Variants in NEDD4L observed in about 807,000 individuals in gnomAD.
NEDD4L encodes the protein NEDD4 like E3 ubiquitin protein ligase.
Under a neutral mutation model 148.9 loss-of-function variants are expected in NEDD4L, and 54 were observed. The observed-to-expected ratio is 0.36, with a 90% CI of 0.29 to 0.45. The LOEUF (loss-of-function observed/expected upper bound fraction) is 0.45, where lower values mean the gene tolerates loss of function less well. NEDD4L is among the 20% of genes least tolerant of loss of function. NEDD4L has a pLI of 1.00. For synonymous variants in NEDD4L, 433 were observed against 440.7 expected (o/e 0.98, Z 0.22); for missense variants, 856 against 1,233.8 (o/e 0.69, Z 4.59).
chr18:58,255,416 T>C (rs1568486391), intron 5 of NEDD4L: 1 of 956,322 alleles, frequency 1.0e-6, no homozygotes, highest in East Asian at 3.5e-5. Context: ...CACCCTACCC[T>C]CTGTCACAGT....
At chr18:58,306,569 C>T (rs2057086007) in intron 5 of NEDD4L, among the ~76,000 whole-genome samples, 1 of 151,712 alleles carries the variant, frequency 6.6e-6, no homozygotes, top group African/African-American at 2.4e-5. Context: ...TGGAAGACTG[C>T]CTGGGTTCAT....
At chr18:58,181,527 G>C (rs2038864706) in intron 2 of NEDD4L, among the ~76,000 whole-genome samples, 1 of 151,918 alleles carries the variant, frequency 6.6e-6, no homozygotes, top group African/African-American at 2.4e-5. Flanking sequence ...GAACTCTTGG[G>C]CTCAGGCAAC....
At chr18:58,319,780 C>G (rs1355402202) in intron 6 of NEDD4L, among the ~76,000 whole-genome samples, 2 of 152,176 alleles carry the variant, frequency 1.3e-5, no homozygotes, top group Non-Finnish European at 2.9e-5. Context: ...CTACCTGTTA[C>G]TGCTTGGCAT....
At chr18:58,252,087 A>AT (rs2048004905) in intron 5 of NEDD4L, 33 bp downstream of exon 5, 3 of 1,408,298 alleles carry the variant, frequency 2.1e-6, no homozygotes, top group Non-Finnish European at 3.0e-6. Flanking sequence ...ATTTTGCTTC[A>AT]TTTTTTTATT....
chr18:58,131,805 T>C (rs2032195679), intron 1 of NEDD4L, among the ~76,000 whole-genome samples: 1 of 152,194 alleles, frequency 6.6e-6, no homozygotes, highest in Non-Finnish European at 1.5e-5. Flanking sequence ...GATTTTGTGT[T>C]TTTTTGTGTG....
At chr18:58,240,439 T>C (rs1193023871) in intron 2 of NEDD4L, among the ~76,000 whole-genome samples, 1 of 152,168 alleles carries the variant, frequency 6.6e-6, no homozygotes. Context: ...CCATCATTAT[T>C]TGGTAGGCCC....
At chr18:58,328,365 G>A (rs770206554) in intron 9 of NEDD4L, among the ~76,000 whole-genome samples, 39 of 152,266 alleles carry the variant, frequency 2.6e-4, no homozygotes, top group Non-Finnish European at 4.6e-4. Flanking sequence ...TTCAGACCCC[G>A]GCTGACTTGA....
chr18:58,082,979 C>G (rs989867061), intron 1 of NEDD4L, among the ~76,000 whole-genome samples: 1 of 152,122 alleles, frequency 6.6e-6, no homozygotes, highest in African/African-American at 2.4e-5. Context: ...CCCTTCCTAT[C>G]AGTTTCTGTT....
chr18:58,324,750 G>C (rs2059159440), intron 8 of NEDD4L, among the ~76,000 whole-genome samples: 1 of 152,176 alleles, frequency 6.6e-6, no homozygotes, highest in Admixed American at 6.5e-5. Flanking sequence ...CTGCAATGTA[G>C]TCATCTTAGA....
At chr18:58,166,016 C>G (rs530363565) in intron 2 of NEDD4L, among the ~76,000 whole-genome samples, 155 bp downstream of exon 2, 76 of 152,294 alleles carry the variant, frequency 5.0e-4, no homozygotes, top group African/African-American at 1.8e-3. Context: ...TGATGCTGGC[C>G]CAGCTGGTTC....
intron 1 of NEDD4L, among the ~76,000 whole-genome samples, chr18:58,131,374 G>C (rs111586838): frequency 1.8e-4 from 27 of 147,338 alleles, no homozygotes; most frequent in African/African-American, 5.7e-4. Flanking sequence ...GTTGGGCTCT[G>C]TTGGGGTTTG....
At chr18:58,316,683 C>A (rs537516719) in intron 6 of NEDD4L, among the ~76,000 whole-genome samples, 233 of 152,286 alleles carry the variant, frequency 1.5e-3, no homozygotes, top group Admixed American at 7.4e-3. Context: ...GGCTGACACC[C>A]GAAACAGGAG....
chr18:58,107,416 A>AT (rs139846625), intron 1 of NEDD4L, among the ~76,000 whole-genome samples: 12,815 of 152,156 alleles, frequency 0.084, 615 homozygotes, highest in Non-Finnish European at 0.11. Context: ...GGTCTGGGTG[A>AT]TTTTTGAAAA....
intron 5 of NEDD4L, among the ~76,000 whole-genome samples, chr18:58,270,145 C>G (rs2050816725): frequency 1.3e-5 from 2 of 152,180 alleles, no homozygotes; most frequent in South Asian, 4.1e-4. Context: ...TAAATATTAA[C>G]TGAGTGCATT....
At chr18:58,318,109 C>T (rs1369368999) in intron 6 of NEDD4L, among the ~76,000 whole-genome samples, 2 of 152,144 alleles carry the variant, frequency 1.3e-5, no homozygotes, top group Admixed American at 6.5e-5. Context: ...TGTGATAGCA[C>T]ACAGGTATGA....
intron 5 of NEDD4L, among the ~76,000 whole-genome samples, chr18:58,296,373 G>C (rs1472113842): frequency 6.6e-6 from 1 of 152,204 alleles, no homozygotes; most frequent in Non-Finnish European, 1.5e-5. Flanking sequence ...CAGGGCTGCT[G>C]TACCAAACTA....
At chr18:58,296,278 C>A (rs2055558381) in intron 5 of NEDD4L, among the ~76,000 whole-genome samples, 1 of 152,202 alleles carries the variant, frequency 6.6e-6, no homozygotes, top group Non-Finnish European at 1.5e-5. Context: ...GACAAGGTGT[C>A]TATCACTCAG....
At position 58,370,356 on chromosome 18, in the gene NEDD4L, T is replaced by C. The variant is rs368260095; in HGVS notation, c.2186-41T>C. ...TTTCATGCTCTGATACATAGCAGTG[T>C]CAAAGACCTGAAACTAAACCCAGTG... On this transcript the variant is annotated intron_variant, in intron 22 of 30. Coordinates refer to ENST00000400345, the MANE Select transcript of NEDD4L (RefSeq NM_001144967.3). 8 of 1,240,922 alleles carry C rather than the reference T, an allele frequency of 6.4e-6. No homozygotes were observed. The African/African-American group carries it at 1.2e-4, about 18-fold the overall frequency. The allele number at this position is 1,240,922 out of a possible 1,614,324, so 76.9% of individuals were successfully genotyped here. A position where few individuals can be genotyped will look rare whatever the true frequency, so the allele number is the denominator to read the frequency against.
At chr18:58,161,683 A>C (rs1469606048) in intron 1 of NEDD4L, among the ~76,000 whole-genome samples, 3 of 152,094 alleles carry the variant, frequency 2.0e-5, no homozygotes, top group African/African-American at 7.2e-5. Flanking sequence ...TAAACAGAAA[A>C]AGTCTCATCT....
Sources: allele counts gnomAD v4.1 joint callset (sites outside exome capture counted in the v4.1 genomes callset), GRCh38; gene constraint gnomAD v4.1.1; transcripts MANE v1.5; gene names NCBI Gene and HGNC (gene_info 2026-07-23, HGNC 2026-07-21).